PPP2R2C: variants seen among roughly 807,000 people sequenced by gnomAD.
PPP2R2C encodes the protein protein phosphatase 2, regulatory subunit B, gamma.
In PPP2R2C, 10 loss-of-function variants were observed where a neutral mutation model predicts 45.3. The observed-to-expected ratio is 0.22, with a 90% CI of 0.14 to 0.37. PPP2R2C has a LOEUF of 0.37. PPP2R2C is among the 10% of genes least tolerant of loss of function. PPP2R2C has a pLI of 1.00. For missense variants in PPP2R2C, 308 were observed against 619.7 expected (o/e 0.50, Z 5.34); for synonymous variants, 257 against 245.4 (o/e 1.05, Z -0.44).
At position 6,387,121 on chromosome 4, in the gene PPP2R2C, C is replaced by T. The variant is rs565878085; in HGVS notation, c.71-6027G>A. On this transcript the variant is annotated intron_variant, in intron 1 of 8. Coordinates refer to ENST00000382599, the MANE Select transcript of PPP2R2C (RefSeq NM_020416.4). The stretch of plus-strand genomic sequence containing the variant: ...AAGACCTGTTGCATATCAAAAGGTT[C>T]AACACACATGTGATTGGAGTTGTAG... Among the ~76,000 whole-genome samples, 8 of 151,984 alleles carry T rather than the reference C, an allele frequency of 5.3e-5. No individual in the cohort carries two copies. The East Asian group carries it at 1.5e-3, about 29-fold the overall frequency.
At chr4:6,453,908 C>T (rs1267701317) in intron 1 of PPP2R2C, among the ~76,000 whole-genome samples, 3 of 152,326 alleles carry the variant, frequency 2.0e-5, no homozygotes, top group East Asian at 1.9e-4. Flanking sequence ...CACCCCCACC[C>T]GGCCCTGTTT....
At chr4:6,474,053 C>T (rs972951995), upstream of PPP2R2C, among the ~76,000 whole-genome samples, 16 of 152,208 alleles carry the variant, frequency 1.1e-4, no homozygotes, top group African/African-American at 3.9e-4. Flanking sequence ...AGACTCCATT[C>T]AAGGACCAGG....
chr4:6,396,781 A>G (rs1042031906), intron 1 of PPP2R2C, among the ~76,000 whole-genome samples: 1 of 152,224 alleles, frequency 6.6e-6, no homozygotes, highest in Non-Finnish European at 1.5e-5. Flanking sequence ...TGGGGCTGGG[A>G]GGGGGTAGAG....
intron 1 of PPP2R2C, among the ~76,000 whole-genome samples, chr4:6,446,909 G>A (rs1469282664): frequency 6.6e-6 from 1 of 152,050 alleles, no homozygotes; most frequent in Admixed American, 6.5e-5. Flanking sequence ...ATGCTGGATG[G>A]AGGAGTGAGG....
rs1732155530 is a variant in PPP2R2C at position 6,328,717 on chromosome 4, C to A, written c.1052+545G>T. ...CCAGGCAGGTGGGGTTGAGAGACGG[C>A]TGGACTTGTGGATTGTGACAAGCCC... On this transcript the variant is annotated intron_variant, in intron 8 of 8. Transcript: ENST00000382599. The surrounding 1 kb of genome is among the most constrained non-coding windows in gnomAD (Gnocchi z 4.4). Among the ~76,000 whole-genome samples, 1 of 152,194 alleles carries A rather than the reference C, an allele frequency of 6.6e-6. No homozygotes were observed. The highest frequency in any genetic ancestry group is 2.4e-5 in the African/African-American group (1 of 41,458).
rs1009847954 is a variant in PPP2R2C, at chr4:6,472,075, G to C, written c.70+85C>G. 4 of 1,549,014 alleles carry C rather than the reference G, an allele frequency of 2.6e-6. No individual in the cohort carries two copies. In the African/African-American group the frequency reaches 4.1e-5, roughly 16 times the overall value. On this transcript the variant is annotated intron_variant, in intron 1 of 8. Transcript: ENST00000382599. ...CGGGGGGACACGACACACATCGCGCGGTCCAAACCTTCGGAGGGCATTCGG... is the reference window on the plus strand; with the variant it reads ...CGGGGGGACACGACACACATCGCGCCGTCCAAACCTTCGGAGGGCATTCGG...
exon 2 of PPP2R2C, chr4:6,535,308 C>T (rs1279596311): frequency 3.3e-6 from 5 of 1,535,400 alleles, no homozygotes; most frequent in African/African-American, 2.7e-5. Flanking sequence ...TCAACGTGTC[C>T]GCCTCACGCA....
At chr4:6,465,315 G>A (rs1560568176) in intron 1 of PPP2R2C, among the ~76,000 whole-genome samples, 2 of 152,130 alleles carry the variant, frequency 1.3e-5, no homozygotes, top group African/African-American at 4.8e-5. Flanking sequence ...GAAGTCAGAG[G>A]CCCATGGACC....
rs184601396 is a variant in PPP2R2C at position 6,409,686 on chromosome 4, C to A, written c.71-28592G>T. 1.9e-3 allele frequency among the ~76,000 whole-genome samples: 284 copies of A among 152,280 alleles called. 3 individuals are homozygous for A. In the East Asian group the frequency reaches 0.025, roughly 13 times the overall value. On this transcript the variant is annotated intron_variant, in intron 1 of 8. Transcript: ENST00000382599. Reference sequence around the variant, plus strand: ...GACCACAGATCAGAGGCTGCCACCCCCCCATATCCCAGCCCTGGAGACACT... The same window carrying A: ...GACCACAGATCAGAGGCTGCCACCCACCCATATCCCAGCCCTGGAGACACT...
At chr4:6,462,905 T>C (rs1164745488) in intron 1 of PPP2R2C, among the ~76,000 whole-genome samples, 1 of 152,182 alleles carries the variant, frequency 6.6e-6, no homozygotes, top group Non-Finnish European at 1.5e-5. Context: ...TTCTCACAAA[T>C]GCAAAGAAGT....
intron 2 of PPP2R2C, among the ~76,000 whole-genome samples, chr4:6,515,852 G>A (rs571527609): frequency 7.9e-5 from 12 of 152,162 alleles, no homozygotes; most frequent in Non-Finnish European, 1.8e-4. Context: ...GGATCCAGGG[G>A]AGGATTCTTC....
At chr4:6,482,961 G>A (rs1722406682) in intron 2 of PPP2R2C, among the ~76,000 whole-genome samples, 2 of 140,230 alleles carry the variant, frequency 1.4e-5, no homozygotes, top group South Asian at 5.1e-4. Flanking sequence ...TTGTTTGGCT[G>A]CTTGCTTTGT....
intron 5 of PPP2R2C, chr4:6,351,329 AT>A (rs1712533712): frequency 1.2e-5 from 10 of 863,384 alleles, no homozygotes; most frequent in African/African-American, 3.8e-5. Flanking sequence ...AAATAAATAA[AT>A]TAATTAATTA....
intron 1 of PPP2R2C, among the ~76,000 whole-genome samples, chr4:6,453,537 G>A (rs989200530): frequency 1.3e-5 from 2 of 151,870 alleles, no homozygotes; most frequent in African/African-American, 4.8e-5. Context: ...TGGCAGGGCG[G>A]CTTCCTGTGC....
chr4:6,446,278 C>T (rs111322404), intron 1 of PPP2R2C, among the ~76,000 whole-genome samples: 2,086 of 152,270 alleles, frequency 0.014, 46 homozygotes, highest in African/African-American at 0.047. Flanking sequence ...TTCCCTCCCC[C>T]ACACCGACAC....
At chr4:6,485,825 C>A (rs1722511322) in intron 2 of PPP2R2C, among the ~76,000 whole-genome samples, 1 of 151,932 alleles carries the variant, frequency 6.6e-6, no homozygotes, top group Admixed American at 6.6e-5. Context: ...AACTTTTTAA[C>A]CAATAAATAA....
intron 2 of PPP2R2C, among the ~76,000 whole-genome samples, chr4:6,520,620 T>C (rs1043325827): frequency 6.6e-5 from 10 of 152,346 alleles, no homozygotes; most frequent in African/African-American, 2.4e-4. Context: ...GTGTATGGCA[T>C]GAGCTTCGCA....
intron 2 of PPP2R2C, among the ~76,000 whole-genome samples, chr4:6,479,700 T>C (rs977318018): frequency 6.6e-6 from 1 of 151,984 alleles, no homozygotes; most frequent in African/African-American, 2.4e-5. Context: ...CTTTTCAACG[T>C]AGAGTTTTGT....
chr4:6,522,732 G>T (rs974593393), intron 2 of PPP2R2C, among the ~76,000 whole-genome samples: 1 of 152,266 alleles, frequency 6.6e-6, no homozygotes, highest in Non-Finnish European at 1.5e-5. Context: ...GGTCTCAGCA[G>T]GGGTCTGCCC....
Sources: allele counts gnomAD v4.1 joint callset (sites outside exome capture counted in the v4.1 genomes callset), GRCh38; gene constraint gnomAD v4.1.1; non-coding constraint Gnocchi (gnomAD v3.1); transcripts MANE v1.5; gene names NCBI Gene and HGNC (gene_info 2026-07-23, HGNC 2026-07-21).